Variants in AGBL1 observed in about 807,000 individuals in gnomAD.
AGBL1 encodes cytosolic carboxypeptidase 4.
Under a neutral mutation model 118.9 loss-of-function variants are expected in AGBL1, and 130 were observed. The ratio of observed to expected loss-of-function variants is 1.09; its 90% CI spans 0.95 to 1.26. The LOEUF (loss-of-function observed/expected upper bound fraction) is 1.26. Among genes scored for constraint, AGBL1 ranks in the 50% most tolerant of loss-of-function variants. The probability of loss-of-function intolerance (pLI) is 0.00; values close to 1 mark genes in which losing one functional copy is unlikely to be tolerated. For synonymous variants in AGBL1, 555 were observed against 478.9 expected (o/e 1.16, Z -2.08); for missense variants, 1,584 against 1,298.1 (o/e 1.22, Z -3.38).
In AGBL1 at chr15:86,522,955, C is replaced by G; in HGVS notation, c.2685+16C>G. On this transcript the variant is annotated intron_variant, in intron 19 of 22. Coordinates refer to ENST00000614907, the MANE Select transcript of AGBL1 (RefSeq NM_001386094.1). ...AAGTCCCGTGGTGAGTCACTTCCTT[C>G]TGCCTCCACCTTCCTGGCTGCTTCC... 1 of 1,612,108 alleles carries G rather than the reference C, an allele frequency of 6.2e-7. No homozygotes were observed. Among genetic ancestry groups the G allele is most frequent in the Non-Finnish European group, 8.5e-7 (1 of 1,178,168 alleles).
chr15:86,847,605 G>C (rs1334342022), intron 22 of AGBL1, among the ~76,000 whole-genome samples: 1 of 152,134 alleles, frequency 6.6e-6, no homozygotes, highest in Non-Finnish European at 1.5e-5. Flanking sequence ...ATGTTTGAGA[G>C]GTTGCACTCA....
intron 19 of AGBL1, among the ~76,000 whole-genome samples, chr15:86,529,883 A>C (rs1258494149): frequency 1.4e-5 from 2 of 143,236 alleles, no homozygotes; most frequent in Non-Finnish European, 3.0e-5. Context: ...AGGAGAAATA[A>C]AATACTTTAC....
intron 3 of AGBL1, among the ~76,000 whole-genome samples, chr15:86,148,922 G>C (rs966021349): frequency 2.0e-5 from 3 of 152,190 alleles, no homozygotes; most frequent in Non-Finnish European, 4.4e-5. Flanking sequence ...GACTAACAGC[G>C]GATCTCTTGG....
At chr15:86,095,729 C>G (rs1321127923) in intron 1 of AGBL1, among the ~76,000 whole-genome samples, 1 of 131,130 alleles carries the variant, frequency 7.6e-6, no homozygotes, top group African/African-American at 2.9e-5. Context: ...CACTAATACT[C>G]TCTGTGGTTG....
intron 22 of AGBL1, among the ~76,000 whole-genome samples, chr15:86,693,642 G>A (rs2086209492): frequency 6.6e-6 from 1 of 151,872 alleles, no homozygotes; most frequent in African/African-American, 2.4e-5. Context: ...TGCTTTTTTG[G>A]GGAGTTCTTG....
chr15:86,188,480 C>T (rs767141393), intron 5 of AGBL1, among the ~76,000 whole-genome samples: 14 of 152,068 alleles, frequency 9.2e-5, no homozygotes, highest in East Asian at 1.9e-4. Context: ...ACTTGGCAGA[C>T]GTAACTAATA....
At chr15:86,572,652 G>A (rs968474882) in intron 21 of AGBL1, among the ~76,000 whole-genome samples, 3 of 152,206 alleles carry the variant, frequency 2.0e-5, no homozygotes, top group African/African-American at 4.8e-5. Context: ...GTCACGCAAT[G>A]TTGGGGGCGG....
chr15:86,510,071 G>A (rs2142176219), intron 18 of AGBL1, among the ~76,000 whole-genome samples: 1 of 152,012 alleles, frequency 6.6e-6, no homozygotes, highest in East Asian at 1.9e-4. Context: ...TACCTAGGAA[G>A]GTATTGGCAG....
chr15:86,582,647 G>A lies in AGBL1; in HGVS notation c.2994+28110G>A, dbSNP rs914694884. Among the ~76,000 whole-genome samples the A allele has an allele frequency of 3.0e-4, 46 of 152,146 alleles. 4 individuals carry two copies. On this transcript the variant is annotated intron_variant, in intron 21 of 22. Coordinates refer to ENST00000614907, the MANE Select transcript of AGBL1 (RefSeq NM_001386094.1). The stretch of plus-strand genomic sequence containing the variant: ...CAATGATAGACTGGATTAAGAAAAT[G>A]TGGCACATATACACCATGGAATACT...
intron 18 of AGBL1, among the ~76,000 whole-genome samples, chr15:86,471,480 C>A (rs1362363177): frequency 6.8e-6 from 1 of 146,942 alleles, no homozygotes; most frequent in Non-Finnish European, 1.5e-5. Flanking sequence ...ATCTGTTAAT[C>A]AAGGATATTG....
chr15:86,090,117 A>T (rs1386492108), intron 1 of AGBL1, among the ~76,000 whole-genome samples: 2 of 152,152 alleles, frequency 1.3e-5, no homozygotes, highest in Admixed American at 1.3e-4. Flanking sequence ...TACTTTCCCC[A>T]TTTTATAGAT....
intron 22 of AGBL1, among the ~76,000 whole-genome samples, chr15:86,702,087 A>C (rs961887109): frequency 1.3e-5 from 2 of 151,802 alleles, no homozygotes; most frequent in Non-Finnish European, 2.9e-5. Context: ...ATTATCACTA[A>C]ATCCTATCCA....
intron 18 of AGBL1, among the ~76,000 whole-genome samples, chr15:86,463,006 A>G (rs954211454): frequency 1.3e-5 from 2 of 152,206 alleles, no homozygotes; most frequent in Non-Finnish European, 2.9e-5. Context: ...TCCTTGAGGA[A>G]TAGCCACACT....
chr15:86,554,883 G>A (rs2083711340), intron 21 of AGBL1, among the ~76,000 whole-genome samples: 1 of 152,172 alleles, frequency 6.6e-6, no homozygotes, highest in African/African-American at 2.4e-5. Flanking sequence ...TCTGCAACAA[G>A]TGGACTAGTT....
chr15:86,287,521 A>T (rs565922787), intron 16 of AGBL1, among the ~76,000 whole-genome samples: 21 of 152,210 alleles, frequency 1.4e-4, no homozygotes, highest in Admixed American at 1.3e-3. Context: ...TTTTGAGTTG[A>T]TTCTTATATA....
intron 22 of AGBL1, among the ~76,000 whole-genome samples, chr15:86,866,353 C>G (rs1242050027): frequency 6.6e-6 from 1 of 152,146 alleles, no homozygotes; most frequent in East Asian, 1.9e-4. Flanking sequence ...GCCATATTTA[C>G]TTCATGTCGC....
chr15:86,845,618 C>T (rs576573614), intron 22 of AGBL1, among the ~76,000 whole-genome samples: 2 of 152,246 alleles, frequency 1.3e-5, no homozygotes, highest in Admixed American at 1.3e-4. Flanking sequence ...AATGTATTCT[C>T]CATCTCAATT....
chr15:86,756,808 G>A (rs1442313172), intron 22 of AGBL1, among the ~76,000 whole-genome samples: 1 of 151,966 alleles, frequency 6.6e-6, no homozygotes, highest in Non-Finnish European at 1.5e-5. Context: ...ATAAATAATG[G>A]TAAGTAGCTT....
chr15:86,207,301 T>C (rs1041071666), intron 5 of AGBL1, among the ~76,000 whole-genome samples: 10 of 152,212 alleles, frequency 6.6e-5, no homozygotes, highest in Admixed American at 6.5e-5. Context: ...AGGCTCTTTT[T>C]CGGTTCCATA....
Sources: gnomAD v4.1 joint callset for allele counts (sites outside exome capture counted in the v4.1 genomes callset) on GRCh38, gnomAD v4.1.1 for gene constraint, MANE v1.5 for transcripts, NCBI Gene and HGNC (gene_info 2026-07-23, HGNC 2026-07-21) for gene names.